The following RFC3 variants were observed in gnomAD, a reference collection of about 807,000 sequenced individuals.
The protein encoded by RFC3 is replication factor C subunit 3.
RFC3 carries 41 observed loss-of-function variants against 45.1 expected under a neutral mutation model. The ratio of observed to expected loss-of-function variants is 0.91; its 90% CI spans 0.71 to 1.18. The LOEUF is 1.18. RFC3 is among the 50% of genes most tolerant of loss of function. The pLI, the probability that RFC3 is intolerant of heterozygous loss-of-function variation, is 0.00. For synonymous variants in RFC3, 149 were observed against 144.0 expected (o/e 1.03, Z -0.25); for missense variants, 423 against 428.1 (o/e 0.99, Z 0.10).
chr13:33,876,587 A>T (rs919794905), intron 8 of RFC3, among the ~76,000 whole-genome samples: 1 of 152,216 alleles, frequency 6.6e-6, no homozygotes, highest in African/African-American at 2.4e-5. Flanking sequence ...TAGTTTATTT[A>T]AATTAATATA....
chr13:33,976,112 T>C, the RFC3 span, among the ~76,000 whole-genome samples: 2 of 152,244 alleles, frequency 1.3e-5, no homozygotes, highest in East Asian at 1.9e-4. Context: ...CCAAAGAACG[T>C]AGGAAGTAAC....
intron 8 of RFC3, among the ~76,000 whole-genome samples, chr13:33,853,146 G>C (rs1383710965): frequency 6.6e-6 from 1 of 152,130 alleles, no homozygotes; most frequent in Non-Finnish European, 1.5e-5. Context: ...CCTCTTTCAG[G>C]ATCAAGGAGG....
intron 8 of RFC3, among the ~76,000 whole-genome samples, chr13:33,897,634 G>A (rs978229439): frequency 2.6e-5 from 4 of 151,908 alleles, no homozygotes; most frequent in Non-Finnish European, 4.4e-5. Flanking sequence ...TGGCAGAAGG[G>A]ATAAAACAAG....
intron 7 of RFC3, among the ~76,000 whole-genome samples, chr13:33,832,239 G>C (rs3135612): frequency 0.22 from 33,374 of 151,994 alleles, 5,699 homozygotes; most frequent in African/African-American, 0.45. Context: ...TCCTTGTTGG[G>C]TTTCTGAACT....
chr13:33,943,524 G>A (rs1162304197), intron 8 of RFC3, among the ~76,000 whole-genome samples: 4 of 152,134 alleles, frequency 2.6e-5, no homozygotes, highest in African/African-American at 9.7e-5. Flanking sequence ...AATATTTGAG[G>A]TGAAGGATAT....
intron 8 of RFC3, among the ~76,000 whole-genome samples, chr13:33,947,252 G>A (rs1350509400): frequency 1.3e-5 from 2 of 152,164 alleles, no homozygotes; most frequent in East Asian, 1.9e-4. Context: ...ATGATAATGA[G>A]TGAGTCTCAT....
chr13:33,904,998 A>C (rs1422101414), intron 8 of RFC3, among the ~76,000 whole-genome samples: 1 of 152,168 alleles, frequency 6.6e-6, no homozygotes, highest in African/African-American at 2.4e-5. Flanking sequence ...GGCAGCAATT[A>C]TCTTTGGTGG....
At position 33,946,196 on chromosome 13, in the gene RFC3, A is replaced by C. The variant is rs540256158; in HGVS notation, c.880-19891A>C. On this transcript the variant is annotated intron_variant, in intron 8 of 8. Transcript: ENST00000434425. ...CCCATTATTCTTTTAATAACACCCC[A>C]CATTTTAAGAAGCGACTTATTACAG... is the stretch of plus-strand genomic sequence containing the variant. Among the ~76,000 whole-genome samples the C allele has an allele frequency of 3.9e-4, 59 of 152,236 alleles. 1 individual carries two copies. Among genetic ancestry groups the C allele is most frequent in the African/African-American group, 1.4e-3 (57 of 41,538 alleles).
rs180710802 is a variant in RFC3, at chr13:33,909,150, G to A, written c.880-56937G>A. On this transcript the variant is annotated intron_variant, in intron 8 of 8. Coordinates refer to the RFC3 transcript ENST00000434425. ...TGCCTAAAAGATGTTGAAACTACCT[G>A]TAATATACATTTTTTTTTTCAGGCG... Among the ~76,000 whole-genome samples the A allele has an allele frequency of 7.2e-5, 11 of 152,044 alleles. No homozygotes were observed. In the East Asian group the frequency reaches 2.1e-3, roughly 30 times the overall value.
intron 8 of RFC3, among the ~76,000 whole-genome samples, chr13:33,844,155 G>T (rs959393303): frequency 1.3e-5 from 2 of 152,154 alleles, no homozygotes; most frequent in East Asian, 3.8e-4. Context: ...GCAGAATTAG[G>T]GTTCAAGCTC....
intron 8 of RFC3, among the ~76,000 whole-genome samples, chr13:33,912,653 G>T (rs2082710143): frequency 6.6e-6 from 1 of 152,086 alleles, no homozygotes; most frequent in South Asian, 2.1e-4. Flanking sequence ...AGCCGGATAT[G>T]AAGGGCCATG....
intron 8 of RFC3, among the ~76,000 whole-genome samples, chr13:33,854,260 A>G (rs1192172434): frequency 6.6e-6 from 1 of 152,180 alleles, no homozygotes; most frequent in Non-Finnish European, 1.5e-5. Context: ...AATCCAGAGT[A>G]GTTATAAAAA....
At chr13:33,962,634 C>T (rs1327139843) in intron 8 of RFC3, among the ~76,000 whole-genome samples, 2 of 152,152 alleles carry the variant, frequency 1.3e-5, no homozygotes, top group Non-Finnish European at 2.9e-5. Context: ...CAACAAAATA[C>T]TATCCAACCA....
chr13:33,915,356 T>C (rs937966168), intron 8 of RFC3, among the ~76,000 whole-genome samples: 3 of 152,194 alleles, frequency 2.0e-5, no homozygotes, highest in Admixed American at 1.3e-4. Flanking sequence ...TGTACATATG[T>C]GTATATCTCT....
chr13:33,960,764 G>A (rs1008493338), intron 8 of RFC3, among the ~76,000 whole-genome samples: 1 of 152,148 alleles, frequency 6.6e-6, no homozygotes, highest in African/African-American at 2.4e-5. Context: ...CCAGCAGACT[G>A]GCCTCCTGCA....
At chr13:33,966,281 C>T in exon 9 of RFC3, 2 of 657,440 alleles carry the variant, frequency 3.0e-6, no homozygotes, top group South Asian at 3.5e-5. Context: ...CTGAGAAAAT[C>T]CCTCCCTGAC....
chr13:33,886,832 T>C (rs2082528237), intron 8 of RFC3, among the ~76,000 whole-genome samples: 1 of 142,400 alleles, frequency 7.0e-6, no homozygotes, highest in South Asian at 2.3e-4. Context: ...CCCCTTCCTG[T>C]GTCCATGTGT....
intron 8 of RFC3, chr13:33,846,171 A>G (rs907292402): frequency 6.6e-6 from 1 of 152,176 alleles, no homozygotes; most frequent in Non-Finnish European, 1.5e-5. Flanking sequence ...GAGAGGTGAT[A>G]CAAGCATGCC....
chr13:33,848,541 G>A (rs2082254875), intron 8 of RFC3: 1 of 152,026 alleles, frequency 6.6e-6, no homozygotes, highest in Non-Finnish European at 1.5e-5. Context: ...CTTGTGTCAG[G>A]GTACTACTTT....
Sources: allele counts gnomAD v4.1 joint callset (sites outside exome capture counted in the v4.1 genomes callset), GRCh38; gene constraint gnomAD v4.1.1; transcripts MANE v1.5; gene names NCBI Gene and HGNC (gene_info 2026-07-23, HGNC 2026-07-21).